CHORDC1: variants seen among roughly 807,000 people sequenced by gnomAD.
The protein encoded by CHORDC1 is cysteine and histidine rich domain containing 1.
Under a neutral mutation model 48.3 loss-of-function variants are expected in CHORDC1, and 25 were observed. That is an observed-to-expected ratio of 0.52 (90% confidence interval 0.38 to 0.72). The LOEUF is 0.72. Among genes scored for constraint, CHORDC1 ranks in the 30% least tolerant of loss-of-function variants. CHORDC1 has a pLI of 0.00. For missense variants in CHORDC1, 317 were observed against 388.7 expected (o/e 0.82, Z 1.55); for synonymous variants, 128 against 126.4 (o/e 1.01, Z -0.09).
chr11:90,215,383 G>A (rs1857982350), intron 2 of CHORDC1, among the ~76,000 whole-genome samples, 153 bp from the exon 3 acceptor site: 1 of 151,938 alleles, frequency 6.6e-6, no homozygotes, highest in Non-Finnish European at 1.5e-5. Context: ...ACCTAATCAA[G>A]TAAAATGAAT....
intron 6 of CHORDC1, chr11:90,206,608 A>C (rs1857698916): frequency 2.7e-6 from 1 of 364,162 alleles, no homozygotes; most frequent in Admixed American, 4.1e-5. Context: ...CAATAAAAAT[A>C]CAGTTACTGC....
chr11:90,202,414 T>C lies in CHORDC1; in HGVS notation c.990A>G (p.Thr330=). The change falls in exon 11 of 11, where the codon ACA becomes ACG. Residue 330 remains threonine, a synonymous_variant. Transcript: ENST00000320585. ...AKKQEKQKDA[T]TD is the part of the protein sequence containing the mutation. Reference sequence around the variant, plus strand: ...TCCTTCCATCTCCCACTCAATCTGTTGTGGCATCTTTTTGTTTTTCCTGCT... The same window carrying C: ...TCCTTCCATCTCCCACTCAATCTGTCGTGGCATCTTTTTGTTTTTCCTGCT... 1 of 1,611,634 alleles carries C rather than the reference T, an allele frequency of 6.2e-7. No homozygotes were observed. The highest frequency in any genetic ancestry group is 1.1e-5 in the South Asian group (1 of 90,976).
intron 1 of CHORDC1, among the ~76,000 whole-genome samples, chr11:90,218,500 CCAT>C (rs1858076591): frequency 6.6e-6 from 1 of 152,078 alleles, no homozygotes; most frequent in African/African-American, 2.4e-5. Context: ...CAAATTTTGA[CCAT>C]CATTTTTCAA....
intron 2 of CHORDC1, among the ~76,000 whole-genome samples, chr11:90,217,041 TCCA>T (rs1335358573): frequency 6.6e-6 from 1 of 152,200 alleles, no homozygotes; most frequent in Non-Finnish European, 1.5e-5. Context: ...CACCACAGTT[TCCA>T]CCACAACAAA....
At chr11:90,213,679 T>C (rs1857929139) in intron 4 of CHORDC1, 2 of 447,392 alleles carry the variant, frequency 4.5e-6, no homozygotes, top group Non-Finnish European at 7.9e-6. Context: ...ACTCATGCCA[T>C]GAAAAGGAAA....
chr11:90,214,660 C>A (rs1234274843), intron 3 of CHORDC1, among the ~76,000 whole-genome samples: 1 of 152,020 alleles, frequency 6.6e-6, no homozygotes, highest in Non-Finnish European at 1.5e-5. Flanking sequence ...AAATGCCTGG[C>A]ACATTTGGCA....
At chr11:90,218,213 TACCAC>T in intron 1 of CHORDC1, 29 bp from the exon 2 acceptor site, 1 of 1,438,080 alleles carries the variant, frequency 7.0e-7, no homozygotes, top group Non-Finnish European at 9.5e-7. Context: ...AAAAAAAAAG[TACCAC>T]TCTTTATAAT....
At chr11:90,217,303 C>A (rs1858036870) in intron 2 of CHORDC1, among the ~76,000 whole-genome samples, 2 of 152,092 alleles carry the variant, frequency 1.3e-5, no homozygotes, top group Non-Finnish European at 1.5e-5. Context: ...AGAAGTAGAA[C>A]CTAAAACCAT....
intron 8 of CHORDC1, among the ~76,000 whole-genome samples, chr11:90,203,898 A>G (rs912849548): frequency 6.6e-6 from 1 of 152,172 alleles, no homozygotes; most frequent in African/African-American, 2.4e-5. Context: ...AAATCTGACC[A>G]GTTATTACTT....
intron 1 of CHORDC1, 37 bp from the exon 2 acceptor site, chr11:90,218,221 T>C (rs746779671): frequency 8.7e-6 from 13 of 1,495,466 alleles, no homozygotes; most frequent in Admixed American, 4.5e-5. Flanking sequence ...AGTACCACTC[T>C]TTATAATGAA....
At chr11:90,204,687 C>T (rs1027927569) in intron 8 of CHORDC1, among the ~76,000 whole-genome samples, 1 of 150,898 alleles carries the variant, frequency 6.6e-6, no homozygotes, top group African/African-American at 2.4e-5. Flanking sequence ...CACGTCTGGG[C>T]GACAGAGCGA....
intron 1 of CHORDC1, 29 bp from the exon 2 acceptor site, chr11:90,218,213 T>C (rs752741362): frequency 6.3e-6 from 9 of 1,437,984 alleles, no homozygotes; most frequent in Non-Finnish European, 8.5e-6. Context: ...AAAAAAAAAG[T>C]ACCACTCTTT....
chr11:90,221,988 G>A (rs1416576653), intron 1 of CHORDC1, among the ~76,000 whole-genome samples: 1 of 152,146 alleles, frequency 6.6e-6, no homozygotes, highest in Non-Finnish European at 1.5e-5. Flanking sequence ...TGGTTATGAA[G>A]ATTAAATAAG....
chr11:90,218,165 T>A lies in CHORDC1; in HGVS notation c.84A>T (p.Pro28=). ...ATGCATCGTGAAAGACCGGAACACC[T>A]GGGTGGTATGTGCAAGCATCTGGAG... is the stretch of plus-strand genomic sequence containing the variant. The part of the protein sequence containing the change: ...TNSDDACTYH[P]GVPVFHDALK... The change falls in exon 2 of 11, where the codon CCA becomes CCT. Residue 28 remains proline, a synonymous_variant. Transcript: ENST00000320585. 6.3e-7 allele frequency: 1 copy of A among 1,576,492 alleles called. No individual in the cohort carries two copies. The highest frequency in any genetic ancestry group is 1.4e-5 in the African/African-American group (1 of 71,802).
intron 8 of CHORDC1, among the ~76,000 whole-genome samples, chr11:90,204,518 A>G (rs1746424433): frequency 6.6e-6 from 1 of 152,160 alleles, no homozygotes; most frequent in African/African-American, 2.4e-5. Flanking sequence ...CAGGAGTCCA[A>G]GACCAGCCTA....
chr11:90,216,840 G>A lies in CHORDC1; in HGVS notation c.114+1295C>T, dbSNP rs557033510. Among the ~76,000 whole-genome samples the A allele has an allele frequency of 7.9e-5, 12 of 152,214 alleles. No homozygotes were observed. The East Asian group carries it at 1.4e-3, about 17-fold the overall frequency. ...GAAATATGTTGTAAGAGCCATCGGC[G>A]TAGAGGTGACATTTGAGAAAACCAA... is the stretch of plus-strand genomic sequence containing the variant. On this transcript the variant is annotated intron_variant, in intron 2 of 10. Transcript: ENST00000320585.
intron 8 of CHORDC1, among the ~76,000 whole-genome samples, chr11:90,204,315 T>C (rs924750652): frequency 2.0e-5 from 3 of 152,174 alleles, no homozygotes; most frequent in African/African-American, 7.2e-5. Context: ...TTTCAAACTT[T>C]TGGACTATAA....
chr11:90,203,453 G>A (rs752788443), intron 8 of CHORDC1, 26 bp from the exon 9 acceptor site: 2 of 1,498,354 alleles, frequency 1.3e-6, no homozygotes, highest in Non-Finnish European at 1.8e-6. Context: ...AACTCTGTAA[G>A]TTAAAAAAGT....
intron 5 of CHORDC1, chr11:90,210,822 C>A: frequency 2.1e-6 from 1 of 479,976 alleles, no homozygotes; most frequent in Non-Finnish European, 3.7e-6. Flanking sequence ...ATGTTATATC[C>A]AGTATCTTAA....
Sources: allele counts gnomAD v4.1 joint callset (sites outside exome capture counted in the v4.1 genomes callset), GRCh38; gene constraint gnomAD v4.1.1; transcripts MANE v1.5; gene names NCBI Gene and HGNC (gene_info 2026-07-23, HGNC 2026-07-21).